PTPRD: variants seen among roughly 807,000 people sequenced by gnomAD.
PTPRD encodes the protein protein tyrosine phosphatase receptor type D.
In PTPRD, 34 loss-of-function variants were observed where a neutral mutation model predicts 214.5. The ratio of observed to expected loss-of-function variants is 0.16; its 90% CI spans 0.12 to 0.21. PTPRD has a LOEUF of 0.21. PTPRD is among the 10% of genes least tolerant of loss of function. The pLI is 1.00. For missense variants in PTPRD, 2,545 were observed against 2,398.7 expected (o/e 1.06, Z -1.27); for synonymous variants, 1,128 against 845.7 (o/e 1.33, Z -5.79).
chr9:10,548,872 G>T (rs1313209316), intron 2 of PTPRD, among the ~76,000 whole-genome samples: 1 of 152,150 alleles, frequency 6.6e-6, no homozygotes, highest in Non-Finnish European at 1.5e-5. Flanking sequence ...AAATGGAAAT[G>T]ATCTTTAGGA....
At position 8,339,045 on chromosome 9, in the gene PTPRD, C is replaced by A; in HGVS notation, c.5256G>T (p.Glu1752Asp). 1 of 1,610,770 alleles carries A rather than the reference C, an allele frequency of 6.2e-7. No homozygotes were observed. Among genetic ancestry groups the A allele is most frequent in the Non-Finnish European group, 8.5e-7 (1 of 1,177,898 alleles). ...MLTKLREMGR[E>D]KCHQYWPAER... is the part of the protein sequence containing the mutation. ...CTGCTGGCCAGTATTGGTGACATTT[C>A]TCCTAAAAGGAGAGAAGATTAATGT... The change falls in exon 43 of 46, where the codon GAG becomes GAT. Residue 1752 changes from glutamate to aspartate, a missense_variant and splice_region_variant. By Grantham distance (45) the Glu-to-Asp change is conservative. Coordinates refer to ENST00000381196, the MANE Select transcript of PTPRD (RefSeq NM_002839.4).
chr9:10,200,624 G>A (rs294819), intron 3 of PTPRD, among the ~76,000 whole-genome samples: 151,439 of 152,202 alleles, frequency 0.99, 75,348 homozygotes, highest in Middle Eastern at 1. Context: ...GTTTCTCAAG[G>A]AGGCAAATAA....
chr9:9,766,078 C>T (rs2098704803), intron 6 of PTPRD, among the ~76,000 whole-genome samples: 1 of 152,218 alleles, frequency 6.6e-6, no homozygotes, highest in East Asian at 1.9e-4. Flanking sequence ...TGTCATCCTC[C>T]TTCACGACTG....
intron 2 of PTPRD, among the ~76,000 whole-genome samples, chr9:10,475,870 A>G (rs1213040828): frequency 6.7e-6 from 1 of 149,708 alleles, no homozygotes; most frequent in African/African-American, 2.4e-5. Context: ...AGAACCAATG[A>G]CAAAAAAAAA....
At chr9:8,702,590 G>C (rs993962950) in intron 12 of PTPRD, among the ~76,000 whole-genome samples, 1 of 152,114 alleles carries the variant, frequency 6.6e-6, no homozygotes. Flanking sequence ...GGGTCTTTAA[G>C]AAAAGCCACA....
chr9:9,245,141 G>A (rs1262936463), intron 9 of PTPRD, among the ~76,000 whole-genome samples: 3 of 152,116 alleles, frequency 2.0e-5, no homozygotes, highest in African/African-American at 7.2e-5. Flanking sequence ...GTAACAACAG[G>A]TGCTGGAGAG....
intron 9 of PTPRD, among the ~76,000 whole-genome samples, chr9:9,379,471 C>T (rs1441574552): frequency 6.6e-6 from 1 of 151,808 alleles, no homozygotes; most frequent in Non-Finnish European, 1.5e-5. Context: ...CAGGTAATAT[C>T]AGTCCTCCAA....
intron 10 of PTPRD, among the ~76,000 whole-genome samples, chr9:9,063,302 T>C (rs182697926): frequency 5.3e-4 from 81 of 152,302 alleles, no homozygotes; most frequent in African/African-American, 1.8e-3. Context: ...ATGCTAATCC[T>C]TCATGCCTAA....
chr9:9,138,908 G>A (rs324549), intron 10 of PTPRD, among the ~76,000 whole-genome samples: 50,710 of 151,722 alleles, frequency 0.33, 9,111 homozygotes, highest in East Asian at 0.42. Context: ...GTTATATTTG[G>A]TTATTATAAC....
chr9:8,360,075 A>C (rs2078088732), intron 39 of PTPRD, among the ~76,000 whole-genome samples: 1 of 152,204 alleles, frequency 6.6e-6, no homozygotes, highest in Non-Finnish European at 1.5e-5. Flanking sequence ...CATTTCATTT[A>C]AGTAATGTAA....
At chr9:9,435,293 C>T (rs62532957) in intron 8 of PTPRD, among the ~76,000 whole-genome samples, 13,274 of 151,604 alleles carry the variant, frequency 0.088, 643 homozygotes, top group African/African-American at 0.12. Context: ...GGAGGATTAC[C>T]TGAAGCCAGG....
intron 39 of PTPRD, among the ~76,000 whole-genome samples, chr9:8,370,163 A>C (rs1182479965): frequency 6.6e-6 from 1 of 151,900 alleles, no homozygotes. Flanking sequence ...AATAAGATAA[A>C]AACAATACTA....
chr9:8,442,854 T>C (rs1374265762), intron 34 of PTPRD, among the ~76,000 whole-genome samples: 2 of 151,892 alleles, frequency 1.3e-5, no homozygotes, highest in Non-Finnish European at 2.9e-5. Flanking sequence ...CATCATTAAA[T>C]GAAAGAGTCA....
At chr9:9,085,244 C>A (rs143278309) in intron 10 of PTPRD, among the ~76,000 whole-genome samples, 1 of 152,130 alleles carries the variant, frequency 6.6e-6, no homozygotes, top group African/African-American at 2.4e-5. Context: ...GAACATATCA[C>A]CTTTTAATTA....
chr9:9,734,011 A>C (rs1283967309), intron 7 of PTPRD, among the ~76,000 whole-genome samples: 1 of 152,166 alleles, frequency 6.6e-6, no homozygotes, highest in African/African-American at 2.4e-5. Context: ...TGTCCCAGGA[A>C]AATGTTGCAA....
chr9:8,520,320 T>A (rs2097862640), intron 20 of PTPRD, among the ~76,000 whole-genome samples: 1 of 152,162 alleles, frequency 6.6e-6, no homozygotes, highest in Non-Finnish European at 1.5e-5. Flanking sequence ...TCTCATGTCA[T>A]TAGTTTTATA....
chr9:9,258,679 A>G (rs1295558600), intron 9 of PTPRD, among the ~76,000 whole-genome samples: 1 of 151,890 alleles, frequency 6.6e-6, no homozygotes, highest in Non-Finnish European at 1.5e-5. Flanking sequence ...AGACTATACA[A>G]TGGTGGAATA....
At chr9:9,300,362 A>G (rs1260103303) in intron 9 of PTPRD, among the ~76,000 whole-genome samples, 1 of 151,740 alleles carries the variant, frequency 6.6e-6, no homozygotes, top group Non-Finnish European at 1.5e-5. Flanking sequence ...CACAAATTTT[A>G]CACTTCCTTC....
chr9:10,481,350 A>G (rs889533791), intron 2 of PTPRD, among the ~76,000 whole-genome samples: 6 of 152,208 alleles, frequency 3.9e-5, no homozygotes, highest in Admixed American at 2.6e-4. Context: ...TGGATTTTTT[A>G]TGGAGAAATT....
Sources: gnomAD v4.1 joint callset for allele counts (sites outside exome capture counted in the v4.1 genomes callset) on GRCh38, gnomAD v4.1.1 for gene constraint, MANE v1.5 for transcripts, NCBI Gene and HGNC (gene_info 2026-07-23, HGNC 2026-07-21) for gene names.